The following ADAMTS12 variants were observed in gnomAD, a reference collection of about 807,000 sequenced individuals.
ADAMTS12 encodes the protein ADAM metallopeptidase with thrombospondin type 1 motif 12, also known as A disintegrin and metalloproteinase with thrombospondin motifs 12.
A neutral mutation model predicts 167.8 loss-of-function variants in ADAMTS12; 118 were observed. That is an observed-to-expected ratio of 0.70 (90% CI 0.61 to 0.82). The LOEUF is 0.82. Ranked by LOEUF, ADAMTS12 falls within the 40% of genes least tolerant of loss-of-function variation. The pLI, the probability that ADAMTS12 is intolerant of heterozygous loss-of-function variation, is 0.00. For synonymous variants in ADAMTS12, 704 were observed against 716.9 expected (o/e 0.98, Z 0.29); for missense variants, 1,916 against 1,998.8 (o/e 0.96, Z 0.79).
At chr5:33,790,679 G>A (rs953539876) in intron 2 of ADAMTS12, among the ~76,000 whole-genome samples, 2 of 150,446 alleles carry the variant, frequency 1.3e-5, no homozygotes, top group African/African-American at 4.9e-5. Flanking sequence ...ATTAAAGTGT[G>A]TGTGTGTGTA....
intron 1 of ADAMTS12, among the ~76,000 whole-genome samples, chr5:33,889,322 G>A (rs1368851855): frequency 6.6e-6 from 1 of 152,136 alleles, no homozygotes; most frequent in East Asian, 1.9e-4. Flanking sequence ...ATAAGAATGG[G>A]TGAGATGATC....
At chr5:33,830,094 G>C (rs939427742) in intron 2 of ADAMTS12, among the ~76,000 whole-genome samples, 6 of 152,162 alleles carry the variant, frequency 3.9e-5, no homozygotes, top group African/African-American at 1.4e-4. Flanking sequence ...AAATGAGGTA[G>C]ACATTTCTAG....
At chr5:33,666,294 C>T (rs2112226661) in intron 5 of ADAMTS12, among the ~76,000 whole-genome samples, 1 of 152,330 alleles carries the variant, frequency 6.6e-6, no homozygotes, top group Non-Finnish European at 1.5e-5. Flanking sequence ...TGTATTTTCA[C>T]TTAATAACGT....
intron 2 of ADAMTS12, among the ~76,000 whole-genome samples, chr5:33,763,198 A>G (rs1561258532): frequency 6.6e-6 from 1 of 152,206 alleles, no homozygotes; most frequent in African/African-American, 2.4e-5. Flanking sequence ...TTTACTTAGC[A>G]GAAGGGAGTT....
intron 14 of ADAMTS12, among the ~76,000 whole-genome samples, chr5:33,617,095 TC>T (rs2112101444): frequency 6.6e-6 from 1 of 152,308 alleles, no homozygotes; most frequent in Admixed American, 6.5e-5. Context: ...CATTGATTCA[TC>T]TAACTTCTTT....
intron 13 of ADAMTS12, among the ~76,000 whole-genome samples, chr5:33,630,009 C>A (rs1229956291): frequency 2.6e-5 from 4 of 152,186 alleles, no homozygotes; most frequent in African/African-American, 7.2e-5. Flanking sequence ...AAGACTGAGT[C>A]TTAGAAAGAT....
chr5:33,875,955 T>C (rs1477443301), intron 2 of ADAMTS12, among the ~76,000 whole-genome samples: 1 of 152,182 alleles, frequency 6.6e-6, no homozygotes, highest in East Asian at 1.9e-4. Flanking sequence ...TAAGACAGTT[T>C]AGCAAATTCA....
chr5:33,556,940 G>A (rs868347076), intron 20 of ADAMTS12, among the ~76,000 whole-genome samples: 1 of 152,336 alleles, frequency 6.6e-6, no homozygotes, highest in Middle Eastern at 3.4e-3. Flanking sequence ...TGGCCCCCGA[G>A]TGTTCTTTCT....
At chr5:33,658,432 G>A in intron 6 of ADAMTS12, 99 bp from the exon 7 acceptor site, 2 of 1,378,546 alleles carry the variant, frequency 1.5e-6, no homozygotes, top group Admixed American at 2.2e-5. Context: ...AATATGGTCT[G>A]TAAAGTATGC....
At chr5:33,859,649 T>C (rs1749529127) in intron 2 of ADAMTS12, among the ~76,000 whole-genome samples, 1 of 152,188 alleles carries the variant, frequency 6.6e-6, no homozygotes, top group African/African-American at 2.4e-5. Context: ...AGCACAGTGC[T>C]CAAGCTCTGC....
At chr5:33,527,887 T>C (rs1743899100) in intron 23 of ADAMTS12, among the ~76,000 whole-genome samples, 1 of 152,170 alleles carries the variant, frequency 6.6e-6, no homozygotes, top group African/African-American at 2.4e-5. Context: ...AGCTCAATCA[T>C]GTGAACCTTG....
chr5:33,850,988 A>C (rs929069557), intron 2 of ADAMTS12, among the ~76,000 whole-genome samples: 2 of 152,234 alleles, frequency 1.3e-5, no homozygotes, highest in Non-Finnish European at 2.9e-5. Context: ...AACTTCTCTT[A>C]GAGCTTCTGG....
In ADAMTS12 at chr5:33,857,659, T is replaced by C. The variant is rs548634126; in HGVS notation, c.489+23460A>G. 4.9e-3 allele frequency among the ~76,000 whole-genome samples: 691 copies of C among 140,420 alleles called. 5 individuals carry two copies. The highest frequency in any genetic ancestry group is 7.5e-3 in the Non-Finnish European group (497 of 66,552). The allele number at this position is 140,420 out of a possible 152,430, so 92.1% of individuals were successfully genotyped here. On this transcript the variant is annotated intron_variant, in intron 2 of 23. Transcript: ENST00000504830. ...TCAGTTAGAACTGAAACCTCTCTTA[T>C]GTTCCTTGAGAAACACACAAAAAAT...
intron 2 of ADAMTS12, among the ~76,000 whole-genome samples, chr5:33,810,111 CA>C (rs765004663): frequency 1.8e-4 from 27 of 151,870 alleles, no homozygotes; most frequent in Non-Finnish European, 3.2e-4. Context: ...TCCTGCAATG[CA>C]AATACTCCTC....
At chr5:33,703,817 A>G (rs115027555) in intron 3 of ADAMTS12, among the ~76,000 whole-genome samples, 1,962 of 152,296 alleles carry the variant, frequency 0.013, 42 homozygotes, top group African/African-American at 0.045. Flanking sequence ...TAGGCCCAAG[A>G]AACCAACCAA....
chr5:33,883,327 GTT>G (rs79064946), intron 1 of ADAMTS12, among the ~76,000 whole-genome samples: 9,846 of 110,896 alleles, frequency 0.089, 296 homozygotes, highest in East Asian at 0.23. Flanking sequence ...TTTTTTTTTT[GTT>G]TTTTTTTTTT....
At chr5:33,786,301 T>C (rs1410901746) in intron 2 of ADAMTS12, among the ~76,000 whole-genome samples, 2 of 152,226 alleles carry the variant, frequency 1.3e-5, no homozygotes, top group African/African-American at 4.8e-5. Flanking sequence ...TTTTATGGTG[T>C]GTAAATGATA....
intron 12 of ADAMTS12, 59 bp downstream of exon 12, chr5:33,637,518 A>G: frequency 6.5e-7 from 1 of 1,533,098 alleles, no homozygotes; most frequent in Non-Finnish European, 8.9e-7. Context: ...TGACTGACAT[A>G]CAAATGCTTT....
intron 5 of ADAMTS12, among the ~76,000 whole-genome samples, chr5:33,680,817 C>A (rs1302955132): frequency 6.6e-6 from 1 of 152,094 alleles, no homozygotes; most frequent in Non-Finnish European, 1.5e-5. Context: ...GGGAGAACTG[C>A]TGAATGAGAT....
Sources: allele counts gnomAD v4.1 joint callset (sites outside exome capture counted in the v4.1 genomes callset), GRCh38; gene constraint gnomAD v4.1.1; transcripts MANE v1.5; gene names NCBI Gene and HGNC (gene_info 2026-07-23, HGNC 2026-07-21).